Variants in MYLK observed in about 807,000 individuals in gnomAD.
The protein encoded by MYLK is myosin light chain kinase, smooth muscle.
In MYLK, 106 loss-of-function variants were observed where a neutral mutation model predicts 203.4. The observed-to-expected ratio is 0.52, with a 90% CI of 0.45 to 0.61. The LOEUF (loss-of-function observed/expected upper bound fraction) is 0.61, where lower values mean the gene tolerates loss of function less well. Among genes scored for constraint, MYLK ranks in the 20% least tolerant of loss-of-function variants. The probability of loss-of-function intolerance (pLI) is 0.00; values close to 1 mark genes in which losing one functional copy is unlikely to be tolerated. For synonymous variants in MYLK, 867 were observed against 959.5 expected, an observed-to-expected ratio of 0.90 and a Z score of 1.78; for missense variants, 2,072 against 2,442.3, an observed-to-expected ratio of 0.85 and a Z score of 3.20.
chr3:123,813,362 A>C (rs1465867965), intron 3 of MYLK, among the ~76,000 whole-genome samples: 4 of 152,186 alleles, frequency 2.6e-5, no homozygotes, highest in African/African-American at 9.7e-5. Flanking sequence ...TATGAATTCT[A>C]GCCACATGCT....
chr3:123,737,471 G>A lies in MYLK; in HGVS notation c.661C>T (p.His221Tyr), dbSNP rs760622096. The change falls in exon 8 of 34, where the codon CAT becomes TAT. Residue 221 changes from histidine to tyrosine, a missense_variant. Physicochemically the swap from His to Tyr is moderately conservative, Grantham distance 83. Coordinates refer to ENST00000360304, the MANE Select transcript of MYLK (RefSeq NM_053025.4). ...EKNGMQVLEI[H>Y]GVNQDDVGVY... Reference sequence around the variant, plus strand: ...CCCACGTCATCTTGGTTGACTCCATGGATTTCCAGAACCTGCATGCCGTTC... The same window carrying A: ...CCCACGTCATCTTGGTTGACTCCATAGATTTCCAGAACCTGCATGCCGTTC... The A allele has an allele frequency of 3.6e-5, 58 of 1,614,076 alleles. No individual in the cohort carries two copies. The highest frequency in any genetic ancestry group is 4.8e-5 in the Non-Finnish European group (57 of 1,180,050).
intron 4 of MYLK, among the ~76,000 whole-genome samples, chr3:123,768,315 C>T (rs140203021): frequency 6.6e-5 from 10 of 152,298 alleles, no homozygotes; most frequent in African/African-American, 1.9e-4. Flanking sequence ...ATGAAAAAAG[C>T]AATGTTTCCC....
At chr3:123,653,278 C>T (rs1232592326) in intron 24 of MYLK, among the ~76,000 whole-genome samples, 1 of 152,262 alleles carries the variant, frequency 6.6e-6, no homozygotes, top group African/African-American at 2.4e-5. Context: ...CACGCCACTT[C>T]CCTGAGAGCC....
intron 19 of MYLK, among the ~76,000 whole-genome samples, chr3:123,690,499 T>C (rs1576567776): frequency 6.6e-6 from 1 of 151,970 alleles, no homozygotes; most frequent in African/African-American, 2.4e-5. Flanking sequence ...GGGGACAGAA[T>C]GAGGGCAGGA....
rs552058754 is a variant in MYLK, at chr3:123,650,826, GGAGAATCT to G, written c.4289-1640_4289-1633del. 6.6e-5 allele frequency among the ~76,000 whole-genome samples: 10 copies of G among 152,350 alleles called. No homozygotes were observed. The East Asian group carries it at 1.9e-3, about 29-fold the overall frequency. ...AAGCCAGGAATGGAGTTAGTGTTCA[GGAGAATCT>G]GATCATTCTACCTTTTAGGGTGGTG... On this transcript the variant is annotated intron_variant, in intron 24 of 33. Transcript: ENST00000360304.
At chr3:123,751,882 G>T (rs997452849) in intron 5 of MYLK, among the ~76,000 whole-genome samples, 20 of 152,076 alleles carry the variant, frequency 1.3e-4, no homozygotes, top group Non-Finnish European at 4.4e-5. Flanking sequence ...CTGAGGGAAG[G>T]GCTCTTCTTT....
chr3:123,793,929 G>A, intron 3 of MYLK, 85 bp from the exon 4 acceptor site: 4 of 1,511,984 alleles, frequency 2.6e-6, no homozygotes, highest in South Asian at 1.2e-5. Flanking sequence ...TGTCCAGTCT[G>A]GAGGTGTGGC....
intron 3 of MYLK, 101 bp from the exon 4 acceptor site, chr3:123,793,945 C>T (rs566161511): frequency 1.7e-4 from 227 of 1,330,484 alleles, no homozygotes; most frequent in Non-Finnish European, 2.2e-4. Flanking sequence ...GTGGCTTTTA[C>T]GTGGAGCAGA....
In MYLK at chr3:123,742,893, C is replaced by T. The variant is rs142981901; in HGVS notation, c.374-2892G>A. On this transcript the variant is annotated intron_variant, in intron 5 of 33. Coordinates refer to ENST00000360304, the MANE Select transcript of MYLK (RefSeq NM_053025.4). Reference sequence around the variant, plus strand: ...CAAAAGGCCATGTATGATAGGATTCCGTTCATATGAAATGTCCAGGAGAGG... The same window carrying T: ...CAAAAGGCCATGTATGATAGGATTCTGTTCATATGAAATGTCCAGGAGAGG... Among the ~76,000 whole-genome samples the T allele has an allele frequency of 3.6e-3, 549 of 152,186 alleles. 13 individuals are homozygous for T. The highest frequency in any genetic ancestry group is 0.028 in the Admixed American group (434 of 15,284).
At chr3:123,753,852 G>C (rs2063282573) in intron 4 of MYLK, among the ~76,000 whole-genome samples, 1 of 152,200 alleles carries the variant, frequency 6.6e-6, no homozygotes, top group African/African-American at 2.4e-5. Flanking sequence ...GGTAGCAATA[G>C]TTTTATCCAT....
chr3:123,690,062 T>A lies in MYLK; in HGVS notation c.3565+2673A>T, dbSNP rs563021063. Among the ~76,000 whole-genome samples the A allele has an allele frequency of 3.3e-5, 5 of 152,342 alleles. No individual in the cohort carries two copies. The East Asian group carries it at 9.6e-4, about 29-fold the overall frequency. ...TGTTTGGCACAGGATGAGTGAATGA[T>A]AGCGACTTTCAGGGGCCAGGCCAGC... On this transcript the variant is annotated intron_variant, in intron 19 of 33. Transcript: ENST00000360304.
At chr3:123,852,350 G>T (rs1434651640) in intron 2 of MYLK, among the ~76,000 whole-genome samples, 17 of 152,116 alleles carry the variant, frequency 1.1e-4, no homozygotes, top group South Asian at 2.1e-4. Context: ...CTGTGAATCC[G>T]TCTGGTCCTG....
chr3:123,855,462 AT>A (rs1195500763), intron 2 of MYLK, among the ~76,000 whole-genome samples: 1 of 151,560 alleles, frequency 6.6e-6, no homozygotes. Flanking sequence ...ATTGTTTATT[AT>A]TTTTTTTAAG....
chr3:123,865,297 T>C (rs953236560), intron 2 of MYLK, among the ~76,000 whole-genome samples: 5 of 152,342 alleles, frequency 3.3e-5, no homozygotes, highest in Admixed American at 1.3e-4. Flanking sequence ...AGATTACCAG[T>C]ATTCCCTAAC....
In MYLK at chr3:123,781,965, A is replaced by G. The variant is rs576219387; in HGVS notation, c.165+11712T>C. 3.3e-5 allele frequency among the ~76,000 whole-genome samples: 5 copies of G among 152,346 alleles called. No individual in the cohort carries two copies. The South Asian group carries it at 8.3e-4, about 25-fold the overall frequency. ...AATAAATAATCTCTTTTTACTGGGC[A>G]TCTACCAGGAGCTGGCACCGAGGTG... On this transcript the variant is annotated intron_variant, in intron 4 of 33. Transcript: ENST00000360304.
intron 4 of MYLK, among the ~76,000 whole-genome samples, chr3:123,764,760 G>C (rs1383112613): frequency 6.6e-6 from 1 of 152,178 alleles, no homozygotes; most frequent in Non-Finnish European, 1.5e-5. Context: ...GGGCCTCACT[G>C]CTCCTTATCA....
intron 4 of MYLK, among the ~76,000 whole-genome samples, chr3:123,771,511 GT>G (rs1461406829): frequency 3.9e-5 from 6 of 152,002 alleles, no homozygotes; most frequent in Non-Finnish European, 8.8e-5. Flanking sequence ...TTATATAAAT[GT>G]TTTGCTTCTG....
intron 5 of MYLK, among the ~76,000 whole-genome samples, chr3:123,750,178 CT>C (rs2063149830): frequency 6.6e-6 from 1 of 152,244 alleles, no homozygotes; most frequent in Non-Finnish European, 1.5e-5. Context: ...GAGCTGCATC[CT>C]TTAGGCTGTT....
chr3:123,832,376 A>G (rs1426456577), intron 2 of MYLK, among the ~76,000 whole-genome samples: 2 of 152,216 alleles, frequency 1.3e-5, no homozygotes, highest in African/African-American at 4.8e-5. Flanking sequence ...AGTAAGTAGC[A>G]ATTCCATTTC....
Sources: allele counts gnomAD v4.1 joint callset (sites outside exome capture counted in the v4.1 genomes callset), GRCh38; gene constraint gnomAD v4.1.1; transcripts MANE v1.5; gene names NCBI Gene and HGNC (gene_info 2026-07-23, HGNC 2026-07-21).